Variants in WHRN observed in about 807,000 individuals in gnomAD.
WHRN encodes the protein whirlin, also known as CASK-interacting protein CIP98.
Under a neutral mutation model 68.3 loss-of-function variants are expected in WHRN, and 41 were observed. That is an observed-to-expected ratio of 0.60 (90% CI 0.47 to 0.78). WHRN has a LOEUF of 0.78. Among genes scored for constraint, WHRN ranks in the 30% least tolerant of loss-of-function variants. WHRN has a pLI of 0.00. For synonymous variants in WHRN, 560 were observed against 561.3 expected (o/e 1.00, Z 0.03); for missense variants, 1,243 against 1,244.7 (o/e 1.00, Z 0.02).
At chr9:114,457,939 T>C (rs1886376) in intron 3 of WHRN, among the ~76,000 whole-genome samples, 146,825 of 149,482 alleles carry the variant, frequency 0.98, 72,149 homozygotes, top group East Asian at 1. Context: ...AAAGTGGGCA[T>C]GAGTTTAAGC....
intron 1 of WHRN, among the ~76,000 whole-genome samples, chr9:114,485,968 C>T (rs557508104): frequency 2.0e-5 from 3 of 151,912 alleles, no homozygotes; most frequent in African/African-American, 4.8e-5. Context: ...GAGCTATGAT[C>T]GAGCCACTGC....
At chr9:114,404,122 G>A in intron 9 of WHRN, 45 bp from the exon 10 acceptor site, 2 of 1,590,480 alleles carry the variant, frequency 1.3e-6, no homozygotes, top group Non-Finnish European at 1.7e-6. Flanking sequence ...TATAGCTGGG[G>A]TCAGGGAGGG....
At chr9:114,493,278 GA>G (rs1843144384) in intron 1 of WHRN, among the ~76,000 whole-genome samples, 1 of 145,442 alleles carries the variant, frequency 6.9e-6, no homozygotes, top group South Asian at 2.2e-4. Flanking sequence ...TTGAGCCCAG[GA>G]GTTCAAAGCT....
chr9:114,430,537 A>T (rs780448626), intron 3 of WHRN, among the ~76,000 whole-genome samples: 1 of 152,018 alleles, frequency 6.6e-6, no homozygotes, highest in African/African-American at 2.4e-5. Context: ...CACTTCCCTC[A>T]CCCTGAGCCT....
At chr9:114,458,406 T>A (rs1343517108) in intron 3 of WHRN, among the ~76,000 whole-genome samples, 2 of 152,260 alleles carry the variant, frequency 1.3e-5, no homozygotes, top group Non-Finnish European at 2.9e-5. Flanking sequence ...AGCAAATGTG[T>A]ATTTTTGCGG....
intron 1 of WHRN, among the ~76,000 whole-genome samples, chr9:114,496,619 T>A (rs748638117): frequency 2.0e-5 from 3 of 152,208 alleles, no homozygotes; most frequent in Non-Finnish European, 4.4e-5. Flanking sequence ...CCATTTTTCA[T>A]TACAATGCTT....
In WHRN at chr9:114,402,837, C is replaced by A. The variant is rs200551948; in HGVS notation, c.2641G>T (p.Ala881Ser). ...TTGAAGGCCTCGGCGATAATGCGGG[C>A]GGCCTCCCGGTGCTCCTTGCCCCGA... ...TLRGKEHREA[A>S]RIIAEAFKTK... Residue 881 changes from alanine (A) to serine (S), a missense_variant, in exon 12 of 12, where the codon GCC becomes TCC. By Grantham distance (99) the Ala-to-Ser change is moderately conservative. Transcript: ENST00000362057. 3 of 1,614,114 alleles carry A rather than the reference C, an allele frequency of 1.9e-6. No individual in the cohort carries two copies. The highest frequency in any genetic ancestry group is 1.6e-4 in the Middle Eastern group (1 of 6,062).
At chr9:114,448,763 G>A (rs1011357772) in intron 3 of WHRN, among the ~76,000 whole-genome samples, 1 of 152,190 alleles carries the variant, frequency 6.6e-6, no homozygotes, top group Non-Finnish European at 1.5e-5. Context: ...CCAGGCACAG[G>A]AGGAAACAGG....
chr9:114,492,370 ACTGT>A (rs1235523706), intron 1 of WHRN, among the ~76,000 whole-genome samples: 7 of 152,344 alleles, frequency 4.6e-5, no homozygotes, highest in Admixed American at 3.3e-4. Flanking sequence ...TAAAAAACAA[ACTGT>A]CTAACAAGAA....
intron 1 of WHRN, among the ~76,000 whole-genome samples, chr9:114,484,291 G>A (rs1842317299): frequency 6.6e-6 from 1 of 152,142 alleles, no homozygotes; most frequent in Admixed American, 6.5e-5. Context: ...ACATCCATCT[G>A]CACGCTAGTG....
At chr9:114,405,970 C>G (rs1297377644) in intron 9 of WHRN, among the ~76,000 whole-genome samples, 1 of 152,248 alleles carries the variant, frequency 6.6e-6, no homozygotes, top group South Asian at 2.1e-4. Context: ...TTTCCAGCAT[C>G]TACTCCAGGC....
At chr9:114,415,765 C>T (rs984530709) in intron 7 of WHRN, among the ~76,000 whole-genome samples, 6 of 152,176 alleles carry the variant, frequency 3.9e-5, no homozygotes, top group African/African-American at 9.7e-5. Flanking sequence ...AGTGGCTGAA[C>T]GCATGACTGA....
At chr9:114,451,434 A>G (rs528121936) in intron 3 of WHRN, among the ~76,000 whole-genome samples, 1 of 152,324 alleles carries the variant, frequency 6.6e-6, no homozygotes, top group South Asian at 2.1e-4. Flanking sequence ...ACGGAGCAAG[A>G]TGATTTCAAG....
At chr9:114,475,817 AG>A (rs1841603097) in intron 2 of WHRN, among the ~76,000 whole-genome samples, 1 of 152,184 alleles carries the variant, frequency 6.6e-6, no homozygotes, top group African/African-American at 2.4e-5. Flanking sequence ...ACACTGTGTC[AG>A]GAAGAGGAGG....
At chr9:114,413,808 G>T (rs574026083) in intron 7 of WHRN, among the ~76,000 whole-genome samples, 1 of 152,286 alleles carries the variant, frequency 6.6e-6, no homozygotes, top group Admixed American at 6.5e-5. Context: ...GGAAGCTTCT[G>T]CATGAAGCCT....
intron 7 of WHRN, among the ~76,000 whole-genome samples, chr9:114,412,314 T>G (rs1049557593): frequency 6.6e-6 from 1 of 152,098 alleles, no homozygotes. Context: ...AGGTCAGAGC[T>G]CATGCAGGAG....
chr9:114,504,954 T>C lies in WHRN; in HGVS notation c.-153A>G, dbSNP rs1844278803. On this transcript the variant is annotated 5_prime_UTR_variant, in exon 1 of 12. Transcript: ENST00000362057. ...GAGCACGGGTACAGTGGCTGGATCC[T>C]AGGGGGTCGCGGAGACCGCTGCTAG... is the stretch of plus-strand genomic sequence containing the variant. 2.6e-6 allele frequency: 3 copies of C among 1,156,550 alleles called. No homozygotes were observed. Among genetic ancestry groups the C allele is most frequent in the South Asian group, 2.7e-5 (1 of 37,342 alleles). The allele number at this position is 1,156,550 out of a possible 1,614,324, so 71.6% of individuals were successfully genotyped here. A position where few individuals can be genotyped will look rare whatever the true frequency, so the allele number is the denominator to read the frequency against.
At chr9:114,424,192 G>A (rs915634559) in intron 6 of WHRN, 142 bp downstream of exon 6, 15 of 957,442 alleles carry the variant, frequency 1.6e-5, no homozygotes, top group East Asian at 1.2e-4. Flanking sequence ...CTGGGGGCAG[G>A]AGGCTGCCTC....
chr9:114,464,617 G>A lies in WHRN; in HGVS notation c.963+1650C>T, dbSNP rs554417104. On this transcript the variant is annotated intron_variant, in intron 3 of 11. Coordinates refer to ENST00000362057, the MANE Select transcript of WHRN (RefSeq NM_015404.4). The stretch of plus-strand genomic sequence containing the variant: ...TAAGGATTTCAATACATGAATTTTG[G>A]AGGAACACAATCTGTGGCAATGTTT... Among the ~76,000 whole-genome samples, 17 of 152,286 alleles carry A rather than the reference G, an allele frequency of 1.1e-4. 1 individual carries two copies. The highest frequency in any genetic ancestry group is 3.1e-4 in the African/African-American group (13 of 41,548).
Sources: allele counts gnomAD v4.1 joint callset (sites outside exome capture counted in the v4.1 genomes callset), GRCh38; gene constraint gnomAD v4.1.1; transcripts MANE v1.5; gene names NCBI Gene and HGNC (gene_info 2026-07-23, HGNC 2026-07-21).